The following PEX5L variants were observed in gnomAD, a reference collection of about 807,000 sequenced individuals.
The protein encoded by PEX5L is PEX5-related protein.
Under a neutral mutation model 84.0 loss-of-function variants are expected in PEX5L, and 30 were observed. That is an observed-to-expected ratio of 0.36 (90% CI 0.27 to 0.48). The LOEUF is 0.48. PEX5L is among the 20% of genes least tolerant of loss of function. The pLI is 0.99. For synonymous variants in PEX5L, 270 were observed against 283.1 expected (o/e 0.95, Z 0.46); for missense variants, 533 against 754.6 (o/e 0.71, Z 3.44).
intron 8 of PEX5L, among the ~76,000 whole-genome samples, chr3:179,857,079 G>T (rs1334490015): frequency 2.6e-5 from 4 of 152,162 alleles, no homozygotes; most frequent in Admixed American, 1.3e-4. Context: ...ATAACTACTT[G>T]AAGTAACTTG....
At chr3:179,992,884 G>GTTTA (rs142873481) in intron 1 of PEX5L, among the ~76,000 whole-genome samples, 20,130 of 151,850 alleles carry the variant, frequency 0.13, 1,519 homozygotes, top group African/African-American at 0.21. Context: ...GTATGTATGT[G>GTTTA]TCTATGTATG....
At chr3:179,808,068 T>C (rs1016132685) in intron 13 of PEX5L, among the ~76,000 whole-genome samples, 22 of 152,270 alleles carry the variant, frequency 1.4e-4, no homozygotes, top group African/African-American at 5.1e-4. Flanking sequence ...TTAGTGTTTC[T>C]ATTTTAGGTA....
At chr3:179,853,779 T>TTCTTCC (rs543856594) in intron 8 of PEX5L, among the ~76,000 whole-genome samples, 7 of 151,690 alleles carry the variant, frequency 4.6e-5, no homozygotes, top group African/African-American at 9.7e-5. Context: ...CTTCTTCTTC[T>TTCTTCC]TCTTCCTCTT....
At chr3:179,901,638 C>A (rs1403713332) in intron 2 of PEX5L, among the ~76,000 whole-genome samples, 2 of 152,132 alleles carry the variant, frequency 1.3e-5, no homozygotes, top group African/African-American at 2.4e-5. Flanking sequence ...CTTGAAATAA[C>A]GTTGACTGGA....
At chr3:179,821,221 G>A (rs1728414856) in intron 8 of PEX5L, among the ~76,000 whole-genome samples, 1 of 152,098 alleles carries the variant, frequency 6.6e-6, no homozygotes, top group Non-Finnish European at 1.5e-5. Context: ...AGAGACACTT[G>A]GAAACCACTT....
At chr3:179,809,804 A>G in intron 11 of PEX5L, 136 bp from the exon 12 acceptor site, 1 of 640,740 alleles carries the variant, frequency 1.6e-6, no homozygotes, top group Non-Finnish European at 2.7e-6. Context: ...AGTTCCTGGA[A>G]AGCACCATAT....
At chr3:179,861,958 G>C (rs11713949) in intron 7 of PEX5L, among the ~76,000 whole-genome samples, 75,610 of 152,020 alleles carry the variant, frequency 0.5, 19,232 homozygotes, top group East Asian at 0.74. Flanking sequence ...CTTATGGCTA[G>C]TGTAACAAAT....
At chr3:179,966,483 G>T (rs1401693063) in intron 2 of PEX5L, among the ~76,000 whole-genome samples, 1 of 152,168 alleles carries the variant, frequency 6.6e-6, no homozygotes, top group Non-Finnish European at 1.5e-5. Flanking sequence ...GACAAGGCAG[G>T]AACACATATT....
chr3:179,808,409 A>G lies in PEX5L; in HGVS notation c.1381T>C (p.Tyr461His). Residue 461 changes from tyrosine (Y) to histidine (H), a missense_variant, in exon 13 of 15, where the codon TAT (tyrosine) becomes CAT (histidine). By Grantham distance (83) the Tyr-to-His change is moderately conservative. Around this residue, in one of 8 missense-constraint regions of PEX5L, gnomAD observed 63 missense variants for 60.2 expected, o/e 1.05. Coordinates refer to ENST00000467460, the MANE Select transcript of PEX5L (RefSeq NM_016559.3). ...CCATTTTGGTGGGCAGCTTCCAGAT[A>G]TAATTCCTTCACCCCTTCCAGAACA... is the stretch of plus-strand genomic sequence containing the variant. ...SSVLEGVKELYLEAAHQNGDM... is the reference protein window; with the variant it reads ...SSVLEGVKELHLEAAHQNGDM... 1 of 1,566,938 alleles carries G rather than the reference A, an allele frequency of 6.4e-7. No homozygotes were observed. Among genetic ancestry groups the G allele is most frequent in the South Asian group, 1.2e-5 (1 of 82,872 alleles).
At chr3:179,998,575 T>C (rs1041255049) in intron 1 of PEX5L, among the ~76,000 whole-genome samples, 1 of 152,184 alleles carries the variant, frequency 6.6e-6, no homozygotes, top group Non-Finnish European at 1.5e-5. Context: ...GAGACAGCTC[T>C]TGGTCTGTTA....
chr3:179,805,832 C>A (rs1430843251), intron 14 of PEX5L, among the ~76,000 whole-genome samples: 1 of 152,010 alleles, frequency 6.6e-6, no homozygotes, highest in Non-Finnish European at 1.5e-5. Flanking sequence ...CATGAGCCTT[C>A]ATGGGTCCCT....
chr3:179,886,637 G>C (rs976749930), intron 4 of PEX5L, among the ~76,000 whole-genome samples: 1 of 152,116 alleles, frequency 6.6e-6, no homozygotes, highest in Non-Finnish European at 1.5e-5. Context: ...GCTGGGGTTG[G>C]AATTCATGGA....
chr3:179,909,614 T>C (rs148423285), intron 2 of PEX5L, among the ~76,000 whole-genome samples: 15 of 152,344 alleles, frequency 9.8e-5, no homozygotes, highest in African/African-American at 3.6e-4. Context: ...AGCTGAGTTG[T>C]GTACTCCCAA....
chr3:179,976,004 G>A (rs9818058), intron 1 of PEX5L, among the ~76,000 whole-genome samples: 59,402 of 151,896 alleles, frequency 0.39, 12,302 homozygotes, highest in East Asian at 0.75. Flanking sequence ...GATAAGGGCA[G>A]TGCATATAGA....
At chr3:179,867,597 T>C (rs1748785592) in intron 7 of PEX5L, among the ~76,000 whole-genome samples, 1 of 152,198 alleles carries the variant, frequency 6.6e-6, no homozygotes, top group Admixed American at 6.5e-5. Context: ...AAATTATTAA[T>C]ATTGATAGTG....
intron 1 of PEX5L, among the ~76,000 whole-genome samples, chr3:180,004,773 C>G (rs1329857623): frequency 6.6e-6 from 1 of 151,546 alleles, no homozygotes; most frequent in African/African-American, 2.4e-5. Flanking sequence ...TTTATGCAGT[C>G]AAATTTGAAC....
At chr3:179,856,458 T>A (rs1743979094) in intron 8 of PEX5L, among the ~76,000 whole-genome samples, 1 of 152,214 alleles carries the variant, frequency 6.6e-6, no homozygotes, top group Non-Finnish European at 1.5e-5. Flanking sequence ...ATTCTACAGA[T>A]AAAATATTGC....
chr3:179,814,279 TA>T (rs1299016509), intron 10 of PEX5L, among the ~76,000 whole-genome samples: 21 of 152,342 alleles, frequency 1.4e-4, no homozygotes, highest in African/African-American at 4.8e-4. Flanking sequence ...AAATGAAGGC[TA>T]AATATTGATG....
chr3:179,869,691 A>T (rs1334732915), intron 7 of PEX5L, among the ~76,000 whole-genome samples: 3 of 152,190 alleles, frequency 2.0e-5, no homozygotes, highest in African/African-American at 7.2e-5. Context: ...GAAGAAATGC[A>T]ATCTCCTTAG....
Sources: allele counts gnomAD v4.1 joint callset (sites outside exome capture counted in the v4.1 genomes callset), GRCh38; gene constraint gnomAD v4.1.1; regional missense constraint gnomAD v4.1.1; transcripts MANE v1.5; gene names NCBI Gene and HGNC (gene_info 2026-07-23, HGNC 2026-07-21).